Variants in FAF1 observed in about 807,000 individuals in gnomAD.
FAF1 encodes the protein Fas associated factor 1, also known as FAS-associated factor 1.
Under a neutral mutation model 92.5 loss-of-function variants are expected in FAF1, and 25 were observed. That is an observed-to-expected ratio of 0.27 (90% CI 0.20 to 0.38). The LOEUF is 0.38. Among genes scored for constraint, FAF1 ranks in the 10% least tolerant of loss-of-function variants. The probability of loss-of-function intolerance (pLI) is 1.00; values close to 1 mark genes in which losing one functional copy is unlikely to be tolerated. For missense variants in FAF1, 636 were observed against 793.3 expected, an observed-to-expected ratio of 0.80 and a Z score of 2.38; for synonymous variants, 234 against 273.2, an observed-to-expected ratio of 0.86 and a Z score of 1.42.
At chr1:50,815,174 C>A (rs1643955179) in intron 2 of FAF1, among the ~76,000 whole-genome samples, 1 of 152,124 alleles carries the variant, frequency 6.6e-6, no homozygotes, top group Non-Finnish European at 1.5e-5. Context: ...TGGTGTATGA[C>A]TGATCCCAGG....
At chr1:50,600,912 A>G (rs1404522564) in intron 8 of FAF1, among the ~76,000 whole-genome samples, 1 of 152,156 alleles carries the variant, frequency 6.6e-6, no homozygotes, top group Non-Finnish European at 1.5e-5. Flanking sequence ...ATTTTCTTCA[A>G]TATTAATTTT....
At chr1:50,453,167 G>A (rs1183104198) in intron 18 of FAF1, among the ~76,000 whole-genome samples, 1 of 152,224 alleles carries the variant, frequency 6.6e-6, no homozygotes, top group Non-Finnish European at 1.5e-5. Context: ...ATCATTAAGA[G>A]CTCAAATACC....
intron 1 of FAF1, among the ~76,000 whole-genome samples, chr1:50,909,635 T>C (rs1260240303): frequency 3.9e-5 from 6 of 152,230 alleles, no homozygotes; most frequent in Non-Finnish European, 8.8e-5. Flanking sequence ...TGAGCTTCAA[T>C]CACTGATACC....
intron 2 of FAF1, among the ~76,000 whole-genome samples, chr1:50,824,914 G>A (rs541775872): frequency 7.7e-4 from 117 of 152,242 alleles, no homozygotes; most frequent in Non-Finnish European, 1.5e-3. Context: ...CATGAAAGTA[G>A]AGAGTAGAAT....
intron 18 of FAF1, among the ~76,000 whole-genome samples, chr1:50,447,162 G>A (rs1646238032): frequency 8.7e-6 from 1 of 115,160 alleles, no homozygotes; most frequent in South Asian, 2.7e-4. Flanking sequence ...GTCTCCCTCT[G>A]TTGTCCAGGC....
chr1:50,912,167 G>C (rs185203612), intron 1 of FAF1, among the ~76,000 whole-genome samples: 1 of 152,252 alleles, frequency 6.6e-6, no homozygotes, highest in East Asian at 1.9e-4. Flanking sequence ...GGAGAGAGAA[G>C]GGCTTGAGCT....
At chr1:50,787,102 T>A (rs780020992) in intron 4 of FAF1, among the ~76,000 whole-genome samples, 7 of 152,218 alleles carry the variant, frequency 4.6e-5, no homozygotes, top group Non-Finnish European at 1.0e-4. Flanking sequence ...ATGGATCAGA[T>A]AATCTGAATC....
intron 7 of FAF1, among the ~76,000 whole-genome samples, chr1:50,676,143 A>G (rs1656106680): frequency 6.6e-6 from 1 of 152,258 alleles, no homozygotes. Flanking sequence ...ACAGTGGCTC[A>G]TGCCTGTAAT....
At chr1:50,620,066 G>A (rs936253183) in intron 8 of FAF1, among the ~76,000 whole-genome samples, 5 of 151,920 alleles carry the variant, frequency 3.3e-5, no homozygotes, top group African/African-American at 1.2e-4. Flanking sequence ...CCACCACTAC[G>A]CCTGGCTAAT....
At chr1:50,825,192 G>A (rs906582828) in intron 2 of FAF1, among the ~76,000 whole-genome samples, 4 of 151,988 alleles carry the variant, frequency 2.6e-5, no homozygotes, top group South Asian at 2.1e-4. Context: ...CTGTACACAC[G>A]TATCAAAATA....
chr1:50,931,405 A>G (rs1211035678), intron 1 of FAF1, among the ~76,000 whole-genome samples: 1 of 152,242 alleles, frequency 6.6e-6, no homozygotes, highest in African/African-American at 2.4e-5. Flanking sequence ...GGAAACAAAA[A>G]GAGGTTTAAT....
chr1:50,951,103 A>T (rs1396487743), intron 1 of FAF1, among the ~76,000 whole-genome samples: 1 of 152,206 alleles, frequency 6.6e-6, no homozygotes, highest in Non-Finnish European at 1.5e-5. Context: ...ATGTGGTGGC[A>T]CACGCCTGTA....
chr1:50,930,883 G>A (rs1645042046), intron 1 of FAF1, among the ~76,000 whole-genome samples: 1 of 152,116 alleles, frequency 6.6e-6, no homozygotes, highest in Non-Finnish European at 1.5e-5. Flanking sequence ...AACTTAACTA[G>A]GGTTAGAAAG....
intron 4 of FAF1, among the ~76,000 whole-genome samples, chr1:50,757,518 A>G (rs765311184): frequency 2.0e-5 from 3 of 152,226 alleles, no homozygotes; most frequent in African/African-American, 4.8e-5. Flanking sequence ...TCTGTCCTTC[A>G]TAATATTCTT....
chr1:50,798,328 A>T (rs1661842361), intron 3 of FAF1, among the ~76,000 whole-genome samples: 1 of 152,226 alleles, frequency 6.6e-6, no homozygotes, highest in East Asian at 1.9e-4. Flanking sequence ...GGGTAATAAA[A>T]CAAATATGAG....
intron 3 of FAF1, among the ~76,000 whole-genome samples, chr1:50,800,001 A>G (rs1661922393): frequency 6.6e-6 from 1 of 152,200 alleles, no homozygotes; most frequent in South Asian, 2.1e-4. Flanking sequence ...GAAGAATATT[A>G]CTAGATACAA....
intron 8 of FAF1, among the ~76,000 whole-genome samples, chr1:50,651,784 C>T (rs1216231838): frequency 2.0e-5 from 3 of 152,130 alleles, no homozygotes; most frequent in African/African-American, 4.8e-5. Flanking sequence ...GCAGATGCCT[C>T]CACTTGAATG....
intron 1 of FAF1, among the ~76,000 whole-genome samples, chr1:50,928,579 C>T (rs1435082734): frequency 6.7e-6 from 1 of 149,058 alleles, no homozygotes; most frequent in East Asian, 2.0e-4. Flanking sequence ...GTCAAGAGTT[C>T]GAGACCAGCC....
intron 1 of FAF1, among the ~76,000 whole-genome samples, chr1:50,895,824 T>C (rs1388807549): frequency 6.6e-6 from 1 of 152,086 alleles, no homozygotes; most frequent in Non-Finnish European, 1.5e-5. Flanking sequence ...TGAAAAAGCA[T>C]TTGATAAAAT....
Sources: allele counts gnomAD v4.1 joint callset (sites outside exome capture counted in the v4.1 genomes callset), GRCh38; gene constraint gnomAD v4.1.1; transcripts MANE v1.5; gene names NCBI Gene and HGNC (gene_info 2026-07-23, HGNC 2026-07-21).